The following CSMD3 variants were observed in gnomAD, a reference collection of about 807,000 sequenced individuals.
CSMD3 encodes CUB and Sushi multiple domains 3, also known as CUB and sushi domain-containing protein 3.
A neutral mutation model predicts 435.2 loss-of-function variants in CSMD3; 177 were observed. The ratio of observed to expected loss-of-function variants is 0.41; its 90% CI spans 0.36 to 0.46. CSMD3 has a LOEUF of 0.46. CSMD3 is among the 20% of genes least tolerant of loss of function. The pLI, the probability that CSMD3 is intolerant of heterozygous loss-of-function variation, is 0.34. For missense variants in CSMD3, 4,265 were observed against 4,504.6 expected (o/e 0.95, Z 1.52); for synonymous variants, 1,656 against 1,520.5 (o/e 1.09, Z -2.07).
intron 10 of CSMD3, among the ~76,000 whole-genome samples, chr8:112,881,158 C>G (rs1564061392): frequency 1.3e-5 from 2 of 151,904 alleles, no homozygotes; most frequent in Non-Finnish European, 2.9e-5. Context: ...CCTCACGTTA[C>G]AGGGAGAGAG....
chr8:112,897,984 TAAAAG>T (rs1391868186), intron 10 of CSMD3, among the ~76,000 whole-genome samples: 1 of 151,126 alleles, frequency 6.6e-6, no homozygotes, highest in African/African-American at 2.4e-5. Context: ...GGTTTCAAGT[TAAAAG>T]AAAAGTATGT....
intron 32 of CSMD3, among the ~76,000 whole-genome samples, chr8:112,415,361 T>C (rs752361787): frequency 2.9e-4 from 44 of 152,318 alleles, no homozygotes; most frequent in Non-Finnish European, 5.4e-4. Context: ...GTGTTGAGCC[T>C]GTGGGTGCAC....
At chr8:113,122,583 GAA>G (rs1228720884) in intron 4 of CSMD3, among the ~76,000 whole-genome samples, 2 of 152,042 alleles carry the variant, frequency 1.3e-5, no homozygotes, top group East Asian at 3.9e-4. Context: ...ATTGGGGGAA[GAA>G]GAGGGAGAAG....
At chr8:112,337,401 C>A (rs538424180) in intron 43 of CSMD3, 142 bp downstream of exon 43, 8 of 715,264 alleles carry the variant, frequency 1.1e-5, no homozygotes, top group South Asian at 3.1e-5. Context: ...CATTATAGAG[C>A]CTTAGGGGTT....
At chr8:112,875,466 T>G (rs2081256949) in intron 10 of CSMD3, among the ~76,000 whole-genome samples, 1 of 152,106 alleles carries the variant, frequency 6.6e-6, no homozygotes, top group Non-Finnish European at 1.5e-5. Context: ...TGTTGTCCTG[T>G]CTTGCTAGGT....
At chr8:113,382,944 G>A (rs1182496786) in intron 1 of CSMD3, among the ~76,000 whole-genome samples, 3 of 152,160 alleles carry the variant, frequency 2.0e-5, no homozygotes, top group Non-Finnish European at 1.5e-5. Context: ...TCGTGCCACT[G>A]CACTCCAGCC....
chr8:112,630,521 T>A (rs183804838), intron 22 of CSMD3, among the ~76,000 whole-genome samples: 1 of 152,226 alleles, frequency 6.6e-6, no homozygotes, highest in African/African-American at 2.4e-5. Context: ...TTCAACACAA[T>A]GCCTGCCGTG....
At chr8:112,481,466 G>A (rs1049358645) in intron 31 of CSMD3, among the ~76,000 whole-genome samples, 94 of 152,146 alleles carry the variant, frequency 6.2e-4, no homozygotes, top group African/African-American at 2.3e-3. Flanking sequence ...TTCACAGAAA[G>A]CAAGTTAGGT....
At chr8:113,167,486 C>T (rs1190005288) in intron 4 of CSMD3, among the ~76,000 whole-genome samples, 1 of 152,108 alleles carries the variant, frequency 6.6e-6, no homozygotes, top group African/African-American at 2.4e-5. Flanking sequence ...ATCATGTTGC[C>T]TTTACTCCAT....
rs147961514 is a variant in CSMD3 at position 112,844,861 on chromosome 8, T to A, written c.1755+14284A>T. Among the ~76,000 whole-genome samples, 3 of 152,092 alleles carry A rather than the reference T, an allele frequency of 2.0e-5. No homozygotes were observed. The East Asian group carries it at 5.8e-4, about 29-fold the overall frequency. On this transcript the variant is annotated intron_variant, in intron 11 of 70. Transcript: ENST00000297405. ...TCCCCTATGCCGGCCCCAGAAAGAC[T>A]GTATTTGGTTGTATAAAGTACATTA...
At chr8:112,336,967 A>G (rs2130960610) in intron 43 of CSMD3, 138 bp from the exon 44 acceptor site, 1 of 746,936 alleles carries the variant, frequency 1.3e-6, no homozygotes, top group East Asian at 2.7e-5. Flanking sequence ...TGAGGTATGT[A>G]TAATGAAGTT....
At chr8:112,270,943 G>A (rs28716813) in intron 59 of CSMD3, among the ~76,000 whole-genome samples, 31,827 of 151,718 alleles carry the variant, frequency 0.21, 3,789 homozygotes, top group East Asian at 0.37. Context: ...ATATTTTAAG[G>A]GTATTATTAA....
intron 3 of CSMD3, among the ~76,000 whole-genome samples, chr8:113,240,514 G>A (rs750939052): frequency 2.6e-5 from 4 of 152,014 alleles, no homozygotes; most frequent in African/African-American, 4.8e-5. Flanking sequence ...ACCTCACTAG[G>A]CTAAGATTGG....
intron 32 of CSMD3, among the ~76,000 whole-genome samples, chr8:112,471,558 T>C (rs1818523696): frequency 6.6e-6 from 1 of 152,280 alleles, no homozygotes; most frequent in South Asian, 2.1e-4. Context: ...GTACTACATT[T>C]CTGATGACAG....
intron 13 of CSMD3, among the ~76,000 whole-genome samples, chr8:112,700,010 ATTTG>A (rs1259418105): frequency 2.0e-5 from 3 of 152,044 alleles, no homozygotes; most frequent in Non-Finnish European, 2.9e-5. Flanking sequence ...AAGGGTTTTA[ATTTG>A]TTTGGAAGTG....
intron 5 of CSMD3, among the ~76,000 whole-genome samples, chr8:113,028,062 T>A (rs531923190): frequency 6.6e-6 from 1 of 152,134 alleles, no homozygotes; most frequent in African/African-American, 2.4e-5. Flanking sequence ...AAACTGAAGG[T>A]TTGTGACAAT....
At chr8:113,389,124 A>T (rs1364832314) in intron 1 of CSMD3, among the ~76,000 whole-genome samples, 1 of 151,652 alleles carries the variant, frequency 6.6e-6, no homozygotes, top group Non-Finnish European at 1.5e-5. Flanking sequence ...ACTCAGTATG[A>T]TGAAAATCTA....
intron 30 of CSMD3, among the ~76,000 whole-genome samples, chr8:112,500,180 C>T (rs1821803230): frequency 6.6e-6 from 1 of 151,322 alleles, no homozygotes; most frequent in South Asian, 2.1e-4. Context: ...GAAAATAAAA[C>T]AGAGGAAATA....
At chr8:112,432,747 A>G in intron 32 of CSMD3, among the ~76,000 whole-genome samples, 1 of 152,128 alleles carries the variant, frequency 6.6e-6, no homozygotes, top group Non-Finnish European at 1.5e-5. Context: ...TTTGGGAAGC[A>G]AAACACATTT....
Sources: gnomAD v4.1 joint callset for allele counts (sites outside exome capture counted in the v4.1 genomes callset) on GRCh38, gnomAD v4.1.1 for gene constraint, MANE v1.5 for transcripts, NCBI Gene and HGNC (gene_info 2026-07-23, HGNC 2026-07-21) for gene names.